Variants in ZSWIM6 observed in about 807,000 individuals in gnomAD.
The protein encoded by ZSWIM6 is zinc finger SWIM domain-containing protein 6.
Under a neutral mutation model 113.2 loss-of-function variants are expected in ZSWIM6, and 9 were observed. The ratio of observed to expected loss-of-function variants is 0.08; its 90% CI spans 0.05 to 0.14. The LOEUF is 0.14. Among genes scored for constraint, ZSWIM6 ranks in the 10% least tolerant of loss-of-function variants. The pLI is 1.00. For synonymous variants in ZSWIM6, 611 were observed against 606.5 expected (o/e 1.01, Z -0.11); for missense variants, 1,162 against 1,552.2 (o/e 0.75, Z 4.22).
At chr5:61,415,012 T>C (rs142079744) in intron 1 of ZSWIM6, among the ~76,000 whole-genome samples, 37 of 152,284 alleles carry the variant, frequency 2.4e-4, no homozygotes, top group Admixed American at 4.6e-4. Context: ...GAAACTGGAT[T>C]GCGGGGAGGT....
intron 1 of ZSWIM6, among the ~76,000 whole-genome samples, chr5:61,453,854 T>C (rs1468183069): frequency 2.0e-5 from 3 of 146,382 alleles, no homozygotes; most frequent in Middle Eastern, 3.4e-3. Flanking sequence ...CAGTTATTAA[T>C]AAAATATTGG....
intron 1 of ZSWIM6, among the ~76,000 whole-genome samples, chr5:61,426,811 CTTTT>C (rs1173474197): frequency 2.1e-5 from 3 of 143,908 alleles, no homozygotes; most frequent in Admixed American, 7.0e-5. Context: ...TTGAGTTTTT[CTTTT>C]TTTTTTTTTT....
At chr5:61,416,373 T>G (rs976088776) in intron 1 of ZSWIM6, among the ~76,000 whole-genome samples, 13 of 152,190 alleles carry the variant, frequency 8.5e-5, no homozygotes, top group Non-Finnish European at 1.3e-4. Flanking sequence ...AATAAGAATT[T>G]TAGACACTCT....
chr5:61,468,868 T>C (rs755450841), intron 1 of ZSWIM6, among the ~76,000 whole-genome samples: 1 of 152,358 alleles, frequency 6.6e-6, no homozygotes, highest in Non-Finnish European at 1.5e-5. Context: ...TCCTGCATAT[T>C]GACTGAGTCA....
chr5:61,411,427 A>G (rs1325936651), intron 1 of ZSWIM6, among the ~76,000 whole-genome samples: 1 of 152,178 alleles, frequency 6.6e-6, no homozygotes, highest in Non-Finnish European at 1.5e-5. Flanking sequence ...TTTTGGACAA[A>G]GCTAGAATAT....
In ZSWIM6 at chr5:61,544,349, G is replaced by GT; in HGVS notation, c.*32_*33insT. On this transcript the variant is annotated 3_prime_UTR_variant, in exon 14 of 14. Coordinates refer to ENST00000252744, the MANE Select transcript of ZSWIM6 (RefSeq NM_020928.2). ...TTGTATGAATGGGGTGGGGGGTGGG[G>GT]ATGGGAGGGATGGTTTGTTTTTACT... is the stretch of plus-strand genomic sequence containing the variant. 3.2e-5 allele frequency: 3 copies of GT among 94,356 alleles called. No individual in the cohort carries two copies. The highest frequency in any genetic ancestry group is 6.2e-5 in the Non-Finnish European group (3 of 48,646). The allele number at this position is 94,356 out of a possible 1,614,324, so 5.8% of individuals were successfully genotyped here.
At chr5:61,524,301 C>T (rs1749221344) in intron 5 of ZSWIM6, among the ~76,000 whole-genome samples, 1 of 151,968 alleles carries the variant, frequency 6.6e-6, no homozygotes, top group African/African-American at 2.4e-5. Context: ...CACTATCCAT[C>T]CACCTCTAGT....
intron 2 of ZSWIM6, among the ~76,000 whole-genome samples, chr5:61,486,158 C>G (rs1481395578): frequency 6.6e-6 from 1 of 152,162 alleles, no homozygotes; most frequent in East Asian, 1.9e-4. Context: ...TCCACACACT[C>G]CATGCCCTTC....
chr5:61,430,214 G>A (rs1746551046), intron 1 of ZSWIM6, among the ~76,000 whole-genome samples: 1 of 152,136 alleles, frequency 6.6e-6, no homozygotes, highest in Non-Finnish European at 1.5e-5. Context: ...CCTGAGGAGA[G>A]TAGCACTGAG....
chr5:61,539,317 T>A (rs1749666601), intron 11 of ZSWIM6, among the ~76,000 whole-genome samples: 2 of 152,348 alleles, frequency 1.3e-5, no homozygotes, highest in Admixed American at 1.3e-4. Flanking sequence ...TGTCTCATGT[T>A]GGTCCTGGTT....
intron 1 of ZSWIM6, among the ~76,000 whole-genome samples, chr5:61,446,391 A>G (rs1327339299): frequency 6.6e-6 from 1 of 152,232 alleles, no homozygotes; most frequent in Non-Finnish European, 1.5e-5. Flanking sequence ...ATCTGTGAAT[A>G]TCAGATGTTC....
chr5:61,514,453 T>C (rs1387423726), intron 4 of ZSWIM6, among the ~76,000 whole-genome samples: 2 of 152,062 alleles, frequency 1.3e-5, no homozygotes, highest in Non-Finnish European at 2.9e-5. Flanking sequence ...GCGTTGTTTC[T>C]ATCTTAGGGG....
chr5:61,372,214 T>G lies in ZSWIM6; in HGVS notation c.676+39266T>G, dbSNP rs1745281181. 2.0e-5 allele frequency among the ~76,000 whole-genome samples: 3 copies of G among 151,934 alleles called. No individual in the cohort carries two copies. The South Asian group carries it at 6.2e-4, about 32-fold the overall frequency. ...TAAATGCCATTTAAATGTGGAGAAA[T>G]CTCTTCCACCTTAAAAAAAAAGCCC... On this transcript the variant is annotated intron_variant, in intron 1 of 13. Transcript: ENST00000252744.
intron 3 of ZSWIM6, among the ~76,000 whole-genome samples, chr5:61,491,813 GTTTT>G (rs1554038215): frequency 6.7e-6 from 1 of 150,100 alleles, no homozygotes; most frequent in Non-Finnish European, 1.5e-5. Flanking sequence ...ATAATTAAAA[GTTTT>G]TTTTTTAGTT....
chr5:61,471,835 G>T (rs1747580539), intron 1 of ZSWIM6, among the ~76,000 whole-genome samples: 1 of 152,120 alleles, frequency 6.6e-6, no homozygotes, highest in Non-Finnish European at 1.5e-5. Flanking sequence ...AAAGGTTGGG[G>T]ACCACTGTCA....
intron 1 of ZSWIM6, among the ~76,000 whole-genome samples, chr5:61,367,400 A>G (rs1364297758): frequency 6.6e-6 from 1 of 152,112 alleles, no homozygotes; most frequent in Non-Finnish European, 1.5e-5. Flanking sequence ...GGCATGTACC[A>G]CCATGCTTGG....
chr5:61,373,372 CTTTTTTTT>C (rs748556109), intron 1 of ZSWIM6, among the ~76,000 whole-genome samples: 2 of 102,968 alleles, frequency 1.9e-5, no homozygotes, highest in African/African-American at 8.1e-5. Flanking sequence ...CTCAGTATTT[CTTTTTTTT>C]TTTTTTTTTT....
At chr5:61,381,207 C>A (rs932863338) in intron 1 of ZSWIM6, among the ~76,000 whole-genome samples, 1 of 152,082 alleles carries the variant, frequency 6.6e-6, no homozygotes, top group African/African-American at 2.4e-5. Context: ...GAGCCAAGAT[C>A]GTGCCACTGC....
At chr5:61,423,629 G>A (rs943520572) in intron 1 of ZSWIM6, among the ~76,000 whole-genome samples, 20 of 152,094 alleles carry the variant, frequency 1.3e-4, no homozygotes, top group African/African-American at 4.3e-4. Flanking sequence ...CAAATCAGAT[G>A]GCACCACCCA....
Sources: gnomAD v4.1 joint callset for allele counts (sites outside exome capture counted in the v4.1 genomes callset) on GRCh38, gnomAD v4.1.1 for gene constraint, MANE v1.5 for transcripts, NCBI Gene and HGNC (gene_info 2026-07-23, HGNC 2026-07-21) for gene names.